EIF4E1B: variants seen among roughly 807,000 people sequenced by gnomAD.
EIF4E1B encodes the protein eukaryotic translation initiation factor 4E family member 1B.
EIF4E1B carries 22 observed loss-of-function variants against 31.3 expected under a neutral mutation model. The ratio of observed to expected loss-of-function variants is 0.70; its 90% confidence interval spans 0.50 to 1.00. The LOEUF (loss-of-function observed/expected upper bound fraction) is 1.00. EIF4E1B is among the 50% of genes least tolerant of loss of function. The probability of loss-of-function intolerance (pLI) is 0.00; values close to 1 mark genes in which losing one functional copy is unlikely to be tolerated. For missense variants in EIF4E1B, 290 were observed against 311.6 expected (o/e 0.93, Z 0.52); for synonymous variants, 126 against 120.2 (o/e 1.05, Z -0.31).
intron 4 of EIF4E1B, 96 bp downstream of exon 4, chr5:176,643,362 C>T (rs1277611265): frequency 1.5e-5 from 22 of 1,427,618 alleles, no homozygotes; most frequent in Non-Finnish European, 2.0e-5. Context: ...TCTCTTGGCC[C>T]TAGCTCTTCA....
intron 1 of EIF4E1B, among the ~76,000 whole-genome samples, chr5:176,635,681 C>A (rs576455889): frequency 1.4e-3 from 220 of 152,342 alleles, no homozygotes; most frequent in Non-Finnish European, 2.8e-3. Context: ...TTCTGATGCA[C>A]CATTCTTAGT....
Position 176,642,810 on chromosome 5 carries a change from G to A in EIF4E1B, c.15+8G>A, listed in dbSNP as rs1229358641. 5.8e-6 allele frequency: 9 copies of A among 1,545,752 alleles called. No homozygotes were observed. Among genetic ancestry groups the A allele is most frequent in the Non-Finnish European group, 7.8e-6 (9 of 1,148,094 alleles). ...TAAATGCTTGCTGTTGAGGTAATCAGCCTGGCCTCTCTACCCCCAGTGCAC... is the reference window on the plus strand; with the variant it reads ...TAAATGCTTGCTGTTGAGGTAATCAACCTGGCCTCTCTACCCCCAGTGCAC... On this transcript the variant is annotated splice_region_variant and intron_variant, in intron 3 of 8. Transcript: ENST00000318682.
intron 1 of EIF4E1B, among the ~76,000 whole-genome samples, chr5:176,634,566 C>G (rs1035738239): frequency 6.6e-6 from 1 of 150,846 alleles, no homozygotes; most frequent in African/African-American, 2.4e-5. Flanking sequence ...TGAGTATTAT[C>G]TATGTTTTTT....
intron 1 of EIF4E1B, among the ~76,000 whole-genome samples, chr5:176,634,316 C>T (rs565418135): frequency 3.3e-5 from 5 of 152,176 alleles, no homozygotes; most frequent in African/African-American, 1.2e-4. Flanking sequence ...ACAAATGGCA[C>T]AAATGGCTCT....
intron 6 of EIF4E1B, chr5:176,644,680 T>G (rs919047880): frequency 1.9e-6 from 1 of 535,974 alleles, no homozygotes; most frequent in Non-Finnish European, 3.3e-6. Context: ...ATTTCTGACC[T>G]GGCTCCTTAA....
chr5:176,642,020 T>G (rs1338019204), intron 1 of EIF4E1B, 23 bp from the exon 2 acceptor site: 1 of 152,634 alleles, frequency 6.6e-6, no homozygotes. Context: ...GAGTTGTGTA[T>G]GATTAACATT....
Position 176,639,585 on chromosome 5 carries a change from G to C in EIF4E1B, c.-201-2458G>C, listed in dbSNP as rs59354980. 9.2e-5 allele frequency among the ~76,000 whole-genome samples: 14 copies of C among 152,178 alleles called. No homozygotes were observed. In the East Asian group the frequency reaches 2.7e-3, roughly 29 times the overall value. ...CTGTAAGGTAGCTAAGACCATGCCCGGTACTGGGGGGAGCCCTTCCTTCCT... is the reference window on the plus strand; with the variant it reads ...CTGTAAGGTAGCTAAGACCATGCCCCGTACTGGGGGGAGCCCTTCCTTCCT... On this transcript the variant is annotated intron_variant, in intron 1 of 8. Coordinates refer to ENST00000318682, the MANE Select transcript of EIF4E1B (RefSeq NM_001099408.2).
At chr5:176,637,357 T>G (rs1760511957) in intron 1 of EIF4E1B, among the ~76,000 whole-genome samples, 1 of 152,172 alleles carries the variant, frequency 6.6e-6, no homozygotes. Context: ...GAGAATCCTT[T>G]GAACCCAGGA....
intron 4 of EIF4E1B, 112 bp downstream of exon 4, chr5:176,643,378 G>A (rs1760628715): frequency 7.5e-7 from 1 of 1,330,148 alleles, no homozygotes; most frequent in South Asian, 1.5e-5. Context: ...CTTCATCCGT[G>A]GGAGGCCAGG....
At chr5:176,631,270 G>A (rs1398979575) in intron 1 of EIF4E1B, among the ~76,000 whole-genome samples, 1 of 152,246 alleles carries the variant, frequency 6.6e-6, no homozygotes, top group East Asian at 1.9e-4. Flanking sequence ...AAAAGACAGC[G>A]CAGCTGGAGA....
At position 176,643,280 on chromosome 5, in the gene EIF4E1B, T is replaced by C. The variant is rs1264790555; in HGVS notation, c.200+14T>C. The C allele has an allele frequency of 6.2e-7, 1 of 1,608,960 alleles. No individual in the cohort carries two copies. Among genetic ancestry groups the C allele is most frequent in the Non-Finnish European group, 8.5e-7 (1 of 1,177,838 alleles). ...CTTGCAGAACAGGTAGGCAGGAGCC[T>C]GCGAGTGGAACACAGCCCCTTGCTT... On this transcript the variant is annotated intron_variant, in intron 4 of 8. Coordinates refer to ENST00000318682, the MANE Select transcript of EIF4E1B (RefSeq NM_001099408.2).
intron 1 of EIF4E1B, among the ~76,000 whole-genome samples, chr5:176,635,730 A>G (rs1473015980): frequency 2.0e-5 from 3 of 152,242 alleles, no homozygotes; most frequent in Non-Finnish European, 1.5e-5. Context: ...TGGCTGCTGC[A>G]GCTCCTGCCA....
intron 1 of EIF4E1B, among the ~76,000 whole-genome samples, chr5:176,635,515 G>A (rs927562048): frequency 2.0e-5 from 3 of 152,220 alleles, no homozygotes; most frequent in African/African-American, 7.2e-5. Flanking sequence ...ACAGAAAATA[G>A]GTTAAATTCT....
intron 1 of EIF4E1B, among the ~76,000 whole-genome samples, chr5:176,635,777 G>A (rs1366644594): frequency 6.6e-6 from 1 of 152,220 alleles, no homozygotes; most frequent in African/African-American, 2.4e-5. Context: ...GGGGAGGTAG[G>A]GTAAAAAGAA....
intron 1 of EIF4E1B, among the ~76,000 whole-genome samples, chr5:176,632,960 T>G (rs1760430473): frequency 2.7e-5 from 4 of 146,394 alleles, no homozygotes; most frequent in South Asian, 2.3e-4. Flanking sequence ...GAGGGCGGGG[T>G]GGGGGAGGGG....
Position 176,642,786 on chromosome 5 carries a change from A to C in EIF4E1B, c.-2A>C, listed in dbSNP as rs1760601063. ...GGCCTGCACGAAGAAGGCACTCACT[A>C]AATGCTTGCTGTTGAGGTAATCAGC... On this transcript the variant is annotated 5_prime_UTR_variant, in exon 3 of 9. The change abolishes the stop of an existing upstream ORF in the 5' untranslated region. Coordinates refer to ENST00000318682, the MANE Select transcript of EIF4E1B (RefSeq NM_001099408.2). 1 of 1,558,590 alleles carries C rather than the reference A, an allele frequency of 6.4e-7. No homozygotes were observed. The highest frequency in any genetic ancestry group is 1.4e-5 in the African/African-American group (1 of 70,694).
intron 1 of EIF4E1B, among the ~76,000 whole-genome samples, chr5:176,636,482 C>T (rs147646333): frequency 6.6e-5 from 10 of 152,208 alleles, no homozygotes; most frequent in African/African-American, 2.2e-4. Context: ...AGAAGATCCT[C>T]GTTGGAGCAG....
In EIF4E1B at chr5:176,635,265, A is replaced by T. The variant is rs1160188235; in HGVS notation, c.-202+4201A>T. ...CCTTGGGGATAGAGGTCGACGAGAT[A>T]AATGCTAGAGGGAGGCCGAAGGAGA... On this transcript the variant is annotated intron_variant, in intron 1 of 8. Transcript: ENST00000318682. 2.6e-5 allele frequency among the ~76,000 whole-genome samples: 4 copies of T among 152,030 alleles called. No individual in the cohort carries two copies. The South Asian group carries it at 8.3e-4, about 32-fold the overall frequency.
intron 1 of EIF4E1B, among the ~76,000 whole-genome samples, chr5:176,640,963 T>C (rs80019137): frequency 0.029 from 4,434 of 152,256 alleles, 154 homozygotes; most frequent in African/African-American, 0.085. Flanking sequence ...CTCAGTGACC[T>C]TCTTCTCAGT....
Sources: allele counts gnomAD v4.1 joint callset (sites outside exome capture counted in the v4.1 genomes callset), GRCh38; gene constraint gnomAD v4.1.1; transcripts MANE v1.5; gene names NCBI Gene and HGNC (gene_info 2026-07-23, HGNC 2026-07-21).